The following PIK3AP1 variants were observed in gnomAD, a reference collection of about 807,000 sequenced individuals.
The protein encoded by PIK3AP1 is phosphoinositide-3-kinase adaptor protein 1, also known as phosphoinositide 3-kinase adapter protein 1.
A neutral mutation model predicts 88.1 loss-of-function variants in PIK3AP1; 21 were observed. The ratio of observed to expected loss-of-function variants is 0.24; its 90% CI spans 0.17 to 0.34. The LOEUF is 0.34. PIK3AP1 is among the 10% of genes least tolerant of loss of function. The pLI, the probability that PIK3AP1 is intolerant of heterozygous loss-of-function variation, is 1.00. For synonymous variants in PIK3AP1, 398 were observed against 400.0 expected (o/e 1.00, Z 0.06); for missense variants, 828 against 1,035.7 (o/e 0.80, Z 2.75).
Position 96,611,082 on chromosome 10 carries a change from G to A in PIK3AP1, c.2015-1215C>T, listed in dbSNP as rs570281913. On this transcript the variant is annotated intron_variant, in intron 13 of 16. Transcript: ENST00000339364. ...CTACCAAAGCCAGAAATCTGGCAGGGTGAATGGATAAACTGGAACAGGATG... is the reference window on the plus strand; with the variant it reads ...CTACCAAAGCCAGAAATCTGGCAGGATGAATGGATAAACTGGAACAGGATG... 1.3e-3 allele frequency among the ~76,000 whole-genome samples: 201 copies of A among 152,334 alleles called. 7 individuals are homozygous for A. In the South Asian group the frequency reaches 0.041, roughly 31 times the overall value.
intron 16 of PIK3AP1, among the ~76,000 whole-genome samples, chr10:96,600,604 G>A (rs1476710443): frequency 6.6e-6 from 1 of 152,218 alleles, no homozygotes; most frequent in Non-Finnish European, 1.5e-5. Context: ...GGGAGCGCAT[G>A]AGAAAGTGAT....
intron 16 of PIK3AP1, among the ~76,000 whole-genome samples, chr10:96,597,365 TC>T (rs1176381413): frequency 1.7e-4 from 19 of 112,620 alleles, no homozygotes; most frequent in South Asian, 9.7e-4. Context: ...CCTCTCTCTC[TC>T]TCTCTCTCTC....
chr10:96,651,928 G>T (rs1483375377), intron 4 of PIK3AP1, among the ~76,000 whole-genome samples: 1 of 152,096 alleles, frequency 6.6e-6, no homozygotes, highest in East Asian at 1.9e-4. Flanking sequence ...CACTACTGTA[G>T]GCCCAGTGCC....
At chr10:96,633,852 A>G (rs1843278749) in intron 8 of PIK3AP1, among the ~76,000 whole-genome samples, 1 of 152,264 alleles carries the variant, frequency 6.6e-6, no homozygotes, top group East Asian at 1.9e-4. Context: ...AGGAATCTTC[A>G]GACAACAAAC....
intron 4 of PIK3AP1, among the ~76,000 whole-genome samples, chr10:96,651,998 G>A (rs1843545101): frequency 6.6e-6 from 1 of 152,218 alleles, no homozygotes; most frequent in African/African-American, 2.4e-5. Flanking sequence ...AGTGGTCACA[G>A]AAGGAGGGAA....
chr10:96,615,370 A>G (rs913319671), intron 13 of PIK3AP1, among the ~76,000 whole-genome samples: 2 of 152,154 alleles, frequency 1.3e-5, no homozygotes, highest in Non-Finnish European at 2.9e-5. Flanking sequence ...ATTGGCTACA[A>G]TGGGTTAACT....
chr10:96,597,381 T>C, intron 16 of PIK3AP1, among the ~76,000 whole-genome samples: 1 of 92,212 alleles, frequency 1.1e-5, no homozygotes, highest in African/African-American at 4.7e-5. Flanking sequence ...TCTCTCTTTC[T>C]TTCTTTCTTT....
intron 2 of PIK3AP1, among the ~76,000 whole-genome samples, chr10:96,695,358 C>G (rs571823565): frequency 2.6e-5 from 4 of 152,332 alleles, no homozygotes; most frequent in African/African-American, 9.6e-5. Context: ...GAACGTCCTT[C>G]CTATCTTATT....
chr10:96,664,159 C>A (rs1843730332), intron 2 of PIK3AP1, among the ~76,000 whole-genome samples: 1 of 152,148 alleles, frequency 6.6e-6, no homozygotes, highest in African/African-American at 2.4e-5. Context: ...AACCAAGAGG[C>A]TTTGCATCAG....
rs1849068461 is a variant in PIK3AP1, at chr10:96,609,652, C to T, written c.2170+60G>A. The T allele has an allele frequency of 5.1e-6, 8 of 1,572,758 alleles. No homozygotes were observed. The Admixed American group carries it at 1.1e-4, about 22-fold the overall frequency. ...TCTTAAGAGGATGTTTCCTAAGGTC[C>T]AAGGGTGCCAGCTGGAGCCCAGTCA... On this transcript the variant is annotated intron_variant, in intron 14 of 16. Transcript: ENST00000339364.
intron 2 of PIK3AP1, among the ~76,000 whole-genome samples, chr10:96,659,036 C>T (rs529462064): frequency 6.6e-6 from 1 of 152,206 alleles, no homozygotes; most frequent in Middle Eastern, 3.4e-3. Context: ...GGGCCCATCA[C>T]CCTGGACAGA....
At chr10:96,598,566 TA>T (rs914950250) in intron 16 of PIK3AP1, among the ~76,000 whole-genome samples, 2 of 151,950 alleles carry the variant, frequency 1.3e-5, no homozygotes, top group African/African-American at 4.8e-5. Flanking sequence ...GAAAAAAAAT[TA>T]AAAGTCAAAA....
At chr10:96,685,488 C>T (rs554148287) in intron 2 of PIK3AP1, among the ~76,000 whole-genome samples, 2 of 152,276 alleles carry the variant, frequency 1.3e-5, no homozygotes, top group South Asian at 2.1e-4. Context: ...AGACACAAGC[C>T]GTGGGTGAGG....
chr10:96,640,852 G>A (rs1307349434), intron 8 of PIK3AP1, among the ~76,000 whole-genome samples: 4 of 151,904 alleles, frequency 2.6e-5, no homozygotes, highest in Non-Finnish European at 2.9e-5. Context: ...TTGTAGAAAC[G>A]AGATCTTGCT....
chr10:96,603,410 G>A (rs1033970450), intron 15 of PIK3AP1, among the ~76,000 whole-genome samples: 2 of 152,184 alleles, frequency 1.3e-5, no homozygotes, highest in Admixed American at 1.3e-4. Flanking sequence ...TCAGTGGGCT[G>A]GGGAAGGCAG....
At chr10:96,697,946 T>C (rs572885409) in intron 2 of PIK3AP1, among the ~76,000 whole-genome samples, 8 of 152,374 alleles carry the variant, frequency 5.3e-5, no homozygotes, top group African/African-American at 1.7e-4. Flanking sequence ...CACATTCTTC[T>C]GTATCTTAGT....
chr10:96,629,933 G>GAAGAAT (rs1564961923), intron 8 of PIK3AP1, among the ~76,000 whole-genome samples: 5 of 37,624 alleles, frequency 1.3e-4, no homozygotes, highest in East Asian at 7.9e-4. Context: ...AAAAAAAAAA[G>GAAGAAT]AAGAAGAAGA....
intron 13 of PIK3AP1, among the ~76,000 whole-genome samples, chr10:96,613,033 C>T (rs2134193638): frequency 8.3e-6 from 1 of 121,164 alleles, no homozygotes; most frequent in Non-Finnish European, 1.6e-5. Context: ...GAGTCTCGCA[C>T]TGTCGCCCAC....
chr10:96,645,384 T>C, intron 8 of PIK3AP1, 89 bp downstream of exon 8: 2 of 1,358,520 alleles, frequency 1.5e-6, no homozygotes, highest in Admixed American at 2.4e-5. Context: ...TGAGGGTACA[T>C]AGGGACTGCC....
Sources: allele counts gnomAD v4.1 joint callset (sites outside exome capture counted in the v4.1 genomes callset), GRCh38; gene constraint gnomAD v4.1.1; transcripts MANE v1.5; gene names NCBI Gene and HGNC (gene_info 2026-07-23, HGNC 2026-07-21).